MIS18A: variants seen among roughly 807,000 people sequenced by gnomAD.
MIS18A encodes MIS18 kinetochore protein A, also known as protein Mis18-alpha.
MIS18A carries 14 observed loss-of-function variants against 25.0 expected under a neutral mutation model. The observed-to-expected ratio is 0.56, with a 90% CI of 0.37 to 0.88. The LOEUF (loss-of-function observed/expected upper bound fraction) is 0.88, where lower values mean the gene tolerates loss of function less well. Ranked by LOEUF, MIS18A falls within the 40% of genes least tolerant of loss-of-function variation. The pLI is 0.00. For missense variants in MIS18A, 292 were observed against 290.8 expected (o/e 1.00, Z -0.03); for synonymous variants, 134 against 118.6 (o/e 1.13, Z -0.84).
chr21:32,271,856 T>C (rs1322671755), intron 2 of MIS18A, among the ~76,000 whole-genome samples: 4 of 152,218 alleles, frequency 2.6e-5, no homozygotes, highest in Admixed American at 2.0e-4. Flanking sequence ...ATTACCATTA[T>C]AAGACCGCCT....
At chr21:32,252,239 AAGGAGGAGGAGGAGG>A in the MIS18A span, among the ~76,000 whole-genome samples, 9 of 57,074 alleles carry the variant, frequency 1.6e-4, no homozygotes, top group African/African-American at 2.5e-4. Flanking sequence ...GAAGAAGAAG[AAGGAGGAGGAGGAGG>A]AGGAGGAGGA....
At chr21:32,277,309 C>G (rs2031832637) in intron 1 of MIS18A, among the ~76,000 whole-genome samples, 1 of 152,030 alleles carries the variant, frequency 6.6e-6, no homozygotes, top group Non-Finnish European at 1.5e-5. Context: ...ACGAAAAGAG[C>G]CCACATGGCA....
intron 2 of MIS18A, among the ~76,000 whole-genome samples, chr21:32,273,110 T>TTTTTC (rs1412148253): frequency 6.6e-6 from 1 of 151,180 alleles, no homozygotes; most frequent in Non-Finnish European, 1.5e-5. Context: ...GGAGAAACTT[T>TTTTTC]TTTTCTTTTT....
At chr21:32,254,233 G>A in the MIS18A span, among the ~76,000 whole-genome samples, 1 of 142,164 alleles carries the variant, frequency 7.0e-6, no homozygotes, top group Non-Finnish European at 1.5e-5. Context: ...TCCAACCCCC[G>A]ACCCCAGAAA....
chr21:32,169,423 A>G, the MIS18A span, among the ~76,000 whole-genome samples: 1 of 152,174 alleles, frequency 6.6e-6, no homozygotes, highest in East Asian at 1.9e-4. Context: ...CAGCTGCCTC[A>G]AGTGGCAAAA....
the MIS18A span, among the ~76,000 whole-genome samples, chr21:32,184,100 T>C: frequency 6.6e-6 from 1 of 152,222 alleles, no homozygotes; most frequent in Admixed American, 6.5e-5. Context: ...TTAAAGTGGC[T>C]GTGTCAAAAC....
chr21:32,205,382 C>T, the MIS18A span, among the ~76,000 whole-genome samples: 5 of 152,156 alleles, frequency 3.3e-5, no homozygotes, highest in Admixed American at 2.0e-4. Context: ...GGACTACAGG[C>T]GAATTCATCC....
chr21:32,194,967 G>A, the MIS18A span, among the ~76,000 whole-genome samples: 3 of 152,020 alleles, frequency 2.0e-5, no homozygotes, highest in South Asian at 2.1e-4. Flanking sequence ...GTGATCCTGC[G>A]CTAAAAGCCC....
At chr21:32,171,124 G>A in the MIS18A span, among the ~76,000 whole-genome samples, 1 of 151,998 alleles carries the variant, frequency 6.6e-6, no homozygotes, top group African/African-American at 2.4e-5. Flanking sequence ...TATACTGGAG[G>A]GTTTAGGTAG....
the MIS18A span, among the ~76,000 whole-genome samples, chr21:32,158,900 T>C: frequency 1.3e-4 from 20 of 152,234 alleles, no homozygotes; most frequent in African/African-American, 4.8e-4. Flanking sequence ...ATCCTAAATA[T>C]CTCTCTTCCT....
chr21:32,269,197 T>C (rs760274206), intron 4 of MIS18A, 80 bp from the exon 5 acceptor site: 24 of 1,038,154 alleles, frequency 2.3e-5, no homozygotes, highest in Non-Finnish European at 2.9e-5. Flanking sequence ...AATTAAGATA[T>C]ACACTTAATG....
In MIS18A at chr21:32,278,879, G is replaced by A; in HGVS notation, c.136C>T (p.Gln46Ter). 1 of 1,613,480 alleles carries A rather than the reference G, an allele frequency of 6.2e-7. No individual in the cohort carries two copies. Among genetic ancestry groups the A allele is most frequent in the East Asian group, 2.2e-5 (1 of 44,872 alleles). Residue 46 changes from glutamine (Q) to a stop codon, truncating the protein, a stop_gained, in exon 1 of 5, where the codon CAG (glutamine) becomes TAG (stop). Coordinates refer to ENST00000290130, the MANE Select transcript of MIS18A (RefSeq NM_018944.3). LOFTEE classifies it high-confidence loss of function. ...SEDSSRHQLL[Q>*]KWASMWSSMS... ...GAGCTCCACATGCTCGCCCACTTCT[G>A]CAACAGCTGGTGGCGGCTCGAGTCT...
the MIS18A span, among the ~76,000 whole-genome samples, chr21:32,245,403 T>A: frequency 6.6e-6 from 1 of 152,200 alleles, no homozygotes; most frequent in African/African-American, 2.4e-5. Context: ...AGATATGTGA[T>A]CGTGTGTGAA....
the MIS18A span, among the ~76,000 whole-genome samples, chr21:32,242,340 G>A: frequency 6.6e-6 from 1 of 152,122 alleles, no homozygotes; most frequent in African/African-American, 2.4e-5. Context: ...GCCAGTGCCT[G>A]TTTCCTCATC....
the MIS18A span, among the ~76,000 whole-genome samples, chr21:32,204,729 A>G: frequency 6.8e-6 from 1 of 147,610 alleles, no homozygotes; most frequent in Non-Finnish European, 1.5e-5. Flanking sequence ...TCTATCAAAA[A>G]TACAAAAATT....
At chr21:32,241,803 T>A in the MIS18A span, among the ~76,000 whole-genome samples, 1 of 152,260 alleles carries the variant, frequency 6.6e-6, no homozygotes, top group African/African-American at 2.4e-5. Context: ...TATTTTCTTG[T>A]CCCACAGAAG....
the MIS18A span, among the ~76,000 whole-genome samples, chr21:32,210,471 C>T: frequency 6.6e-6 from 1 of 152,104 alleles, no homozygotes; most frequent in African/African-American, 2.4e-5. Flanking sequence ...CCTCAAGTGT[C>T]CTCATGCATT....
the MIS18A span, among the ~76,000 whole-genome samples, chr21:32,184,442 T>G: frequency 6.6e-6 from 1 of 152,190 alleles, no homozygotes; most frequent in Admixed American, 6.5e-5. Flanking sequence ...TTACATGGGC[T>G]CCTCCTTTAG....
the MIS18A span, among the ~76,000 whole-genome samples, chr21:32,249,367 C>T: frequency 1.3e-5 from 2 of 152,150 alleles, no homozygotes; most frequent in African/African-American, 4.8e-5. Context: ...ACAGGCTGCC[C>T]GGGCGGGGAA....
Sources: allele counts gnomAD v4.1 joint callset (sites outside exome capture counted in the v4.1 genomes callset), GRCh38; gene constraint gnomAD v4.1.1; transcripts MANE v1.5; gene names NCBI Gene and HGNC (gene_info 2026-07-23, HGNC 2026-07-21).